The following DLC1 variants were observed in gnomAD, a reference collection of about 807,000 sequenced individuals.
DLC1 encodes the protein rho GTPase-activating protein 7.
A neutral mutation model predicts 140.3 loss-of-function variants in DLC1; 54 were observed. The ratio of observed to expected loss-of-function variants is 0.38; its 90% confidence interval spans 0.31 to 0.48. The LOEUF (loss-of-function observed/expected upper bound fraction) is 0.48, where lower values mean the gene tolerates loss of function less well. DLC1 is among the 20% of genes least tolerant of loss of function. The pLI is 0.96. For synonymous variants in DLC1, 986 were observed against 728.1 expected, an observed-to-expected ratio of 1.35 and a Z score of -5.70; for missense variants, 2,536 against 1,907.0, an observed-to-expected ratio of 1.33 and a Z score of -6.14.
chr8:13,510,645 A>G (rs1802317243), intron 1 of DLC1, among the ~76,000 whole-genome samples: 1 of 152,174 alleles, frequency 6.6e-6, no homozygotes, highest in Non-Finnish European at 1.5e-5. Context: ...AGGAAATCAG[A>G]GCCAGTTTTC....
intron 4 of DLC1, among the ~76,000 whole-genome samples, chr8:13,344,611 G>A (rs1047022255): frequency 2.8e-4 from 43 of 152,186 alleles, no homozygotes; most frequent in Admixed American, 1.3e-4. Flanking sequence ...AGCAGCACCC[G>A]CAAATGAGTT....
intron 2 of DLC1, among the ~76,000 whole-genome samples, chr8:13,410,439 T>C (rs960353207): frequency 5.5e-4 from 83 of 152,154 alleles, no homozygotes; most frequent in Non-Finnish European, 7.1e-4. Context: ...AGAAAATGTG[T>C]ACCTCAAAAA....
intron 1 of DLC1, among the ~76,000 whole-genome samples, chr8:13,501,833 C>G (rs781426150): frequency 6.6e-6 from 1 of 152,148 alleles, no homozygotes; most frequent in Non-Finnish European, 1.5e-5. Flanking sequence ...ATGCATAAGT[C>G]ATTATAACGT....
chr8:13,564,196 A>G (rs1804344558), intron 1 of DLC1, among the ~76,000 whole-genome samples: 1 of 152,244 alleles, frequency 6.6e-6, no homozygotes. Flanking sequence ...CCAAAGATGC[A>G]GAAAACAGAA....
At chr8:13,573,237 T>G (rs546944058) in intron 1 of DLC1, among the ~76,000 whole-genome samples, 226 of 152,292 alleles carry the variant, frequency 1.5e-3, no homozygotes, top group African/African-American at 5.2e-3. Context: ...GTAAATTAAA[T>G]TTTTTTAAAA....
intron 1 of DLC1, among the ~76,000 whole-genome samples, chr8:13,585,297 C>G (rs1260171880): frequency 6.6e-6 from 1 of 152,104 alleles, no homozygotes; most frequent in Non-Finnish European, 1.5e-5. Context: ...AGCATGGTGG[C>G]TTACACCTGT....
At chr8:13,581,686 T>C (rs1363215472) in intron 1 of DLC1, among the ~76,000 whole-genome samples, 2 of 152,186 alleles carry the variant, frequency 1.3e-5, no homozygotes, top group African/African-American at 4.8e-5. Context: ...GAAGGTAGGG[T>C]AATCTTTCAA....
chr8:13,257,241 A>C (rs1293657379), intron 5 of DLC1, among the ~76,000 whole-genome samples: 1 of 151,444 alleles, frequency 6.6e-6, no homozygotes, highest in Non-Finnish European at 1.5e-5. Flanking sequence ...TTTGAAACCA[A>C]CCTGGGCAAC....
At chr8:13,398,424 A>G (rs542792388) in intron 3 of DLC1, among the ~76,000 whole-genome samples, 84 of 152,152 alleles carry the variant, frequency 5.5e-4, no homozygotes, top group South Asian at 2.5e-3. Context: ...GATCTGTCAA[A>G]TAAGAGAAAG....
At chr8:13,232,601 G>A (rs749122892) in intron 5 of DLC1, among the ~76,000 whole-genome samples, 1 of 152,172 alleles carries the variant, frequency 6.6e-6, no homozygotes, top group African/African-American at 2.4e-5. Flanking sequence ...AAAGTGCTGG[G>A]ATTACAGGCA....
At chr8:13,454,468 C>T (rs764570579) in intron 2 of DLC1, among the ~76,000 whole-genome samples, 9 of 152,102 alleles carry the variant, frequency 5.9e-5, no homozygotes, top group Non-Finnish European at 1.2e-4. Context: ...TAAATTTCAA[C>T]AATACTGCAG....
chr8:13,357,606 T>G (rs1835008273), intron 4 of DLC1, among the ~76,000 whole-genome samples: 1 of 152,238 alleles, frequency 6.6e-6, no homozygotes. Flanking sequence ...GTTTATGGTT[T>G]AGCAAGGGTT....
intron 5 of DLC1, among the ~76,000 whole-genome samples, chr8:13,218,276 C>G (rs1351174302): frequency 6.6e-6 from 1 of 152,040 alleles, no homozygotes; most frequent in Non-Finnish European, 1.5e-5. Context: ...AGAGCTAAAA[C>G]TATAAAACTC....
chr8:13,386,084 A>G (rs183312697), intron 4 of DLC1, among the ~76,000 whole-genome samples: 86 of 152,280 alleles, frequency 5.6e-4, no homozygotes, highest in Admixed American at 1.2e-3. Context: ...TTTCTCTTGG[A>G]CGAAAATATG....
intron 5 of DLC1, among the ~76,000 whole-genome samples, chr8:13,257,693 CTT>C (rs1177866862): frequency 6.7e-6 from 1 of 148,976 alleles, no homozygotes; most frequent in Non-Finnish European, 1.5e-5. Context: ...ATGATGTTGA[CTT>C]TGTTTATGTC....
At chr8:13,515,178 C>G (rs1585233369), upstream of DLC1, among the ~76,000 whole-genome samples, 2 of 152,214 alleles carry the variant, frequency 1.3e-5, no homozygotes, top group East Asian at 3.8e-4. Flanking sequence ...ATATGCACAG[C>G]TTAATCAAAA....
chr8:13,134,205 G>A (rs1423792278), intron 5 of DLC1, among the ~76,000 whole-genome samples: 1 of 152,202 alleles, frequency 6.6e-6, no homozygotes, highest in Non-Finnish European at 1.5e-5. Flanking sequence ...TGCATTAAGA[G>A]CCTTTAAAAA....
Position 13,444,797 on chromosome 8 carries a change from A to C in DLC1, c.1024-43178T>G, listed in dbSNP as rs117294341. Among the ~76,000 whole-genome samples, 8 of 152,278 alleles carry C rather than the reference A, an allele frequency of 5.3e-5. No homozygotes were observed. The East Asian group carries it at 1.5e-3, about 29-fold the overall frequency. ...TGATTTTTAGTATTTAGTGACTATAATCGTTCAAGGAAATTTTTTATGCAA... is the reference window on the plus strand; with the variant it reads ...TGATTTTTAGTATTTAGTGACTATACTCGTTCAAGGAAATTTTTTATGCAA... On this transcript the variant is annotated intron_variant, in intron 2 of 17. Coordinates refer to ENST00000276297, the MANE Select transcript of DLC1 (RefSeq NM_182643.3).
intron 1 of DLC1, among the ~76,000 whole-genome samples, chr8:13,538,935 T>C (rs1241269366): frequency 6.6e-6 from 1 of 152,216 alleles, no homozygotes; most frequent in African/African-American, 2.4e-5. Flanking sequence ...CAATTTTTTC[T>C]ATCTTTGCAT....
Sources: gnomAD v4.1 joint callset for allele counts (sites outside exome capture counted in the v4.1 genomes callset) on GRCh38, gnomAD v4.1.1 for gene constraint, MANE v1.5 for transcripts, NCBI Gene and HGNC (gene_info 2026-07-23, HGNC 2026-07-21) for gene names.